Variants in HECW1 observed in about 807,000 individuals in gnomAD.
HECW1 encodes the protein E3 ubiquitin-protein ligase HECW1.
HECW1 carries 61 observed loss-of-function variants against 182.3 expected under a neutral mutation model. The observed-to-expected ratio is 0.33, with a 90% CI of 0.27 to 0.41. HECW1 has a LOEUF of 0.41. Ranked by LOEUF, HECW1 falls within the 10% of genes least tolerant of loss-of-function variation. The pLI, the probability that HECW1 is intolerant of heterozygous loss-of-function variation, is 1.00. For missense variants in HECW1, 1,739 were observed against 2,108.9 expected (o/e 0.82, Z 3.44); for synonymous variants, 859 against 832.6 (o/e 1.03, Z -0.55).
At chr7:43,505,251 G>GTT (rs2079530279) in intron 21 of HECW1, among the ~76,000 whole-genome samples, 1 of 152,170 alleles carries the variant, frequency 6.6e-6, no homozygotes, top group African/African-American at 2.4e-5. Context: ...ACCGCAGGGT[G>GTT]TTCAGTTACA....
At chr7:43,120,312 A>C (rs1785464832) in intron 2 of HECW1, among the ~76,000 whole-genome samples, 1 of 152,070 alleles carries the variant, frequency 6.6e-6, no homozygotes, top group Admixed American at 6.5e-5. Context: ...TCACACCCTC[A>C]GAAAGGCTTA....
intron 11 of HECW1, among the ~76,000 whole-genome samples, chr7:43,447,393 G>C (rs752360731): frequency 6.6e-6 from 1 of 152,186 alleles, no homozygotes; most frequent in Non-Finnish European, 1.5e-5. Context: ...AGAGCAGGAA[G>C]TGTTTCAGGG....
intron 2 of HECW1, among the ~76,000 whole-genome samples, chr7:43,142,032 C>G (rs960254643): frequency 5.3e-5 from 8 of 152,148 alleles, no homozygotes; most frequent in African/African-American, 1.9e-4. Flanking sequence ...GCACTGGAGT[C>G]TGTATTTATT....
chr7:43,557,859 G>A (rs2082082037), intron 29 of HECW1, among the ~76,000 whole-genome samples: 1 of 152,146 alleles, frequency 6.6e-6, no homozygotes, highest in Admixed American at 6.5e-5. Context: ...CTTATTATCT[G>A]CAATAAAATC....
At chr7:43,127,523 CAAAAAAAAAAAAAAAA>C (rs71562078) in intron 2 of HECW1, among the ~76,000 whole-genome samples, 1 of 57,280 alleles carries the variant, frequency 1.7e-5, no homozygotes, top group African/African-American at 6.9e-5. Context: ...AACTCCATCT[CAAAAAAAAAAAAAAAA>C]AAAAAAAGGA....
intron 3 of HECW1, among the ~76,000 whole-genome samples, chr7:43,301,308 C>T (rs1318684493): frequency 2.0e-5 from 3 of 152,256 alleles, no homozygotes; most frequent in East Asian, 1.9e-4. Context: ...TCCCTCAGCT[C>T]TTGCCCCTTC....
At chr7:43,331,808 G>C (rs890766927) in intron 5 of HECW1, among the ~76,000 whole-genome samples, 49 of 152,174 alleles carry the variant, frequency 3.2e-4, no homozygotes, top group African/African-American at 1.2e-3. Context: ...AGTGGTAGGT[G>C]GTGGAGCTGG....
intron 2 of HECW1, among the ~76,000 whole-genome samples, chr7:43,116,596 A>G (rs531502488): frequency 1.3e-5 from 2 of 152,344 alleles, no homozygotes; most frequent in South Asian, 4.1e-4. Context: ...AACAGGTGTG[A>G]CTTACAGACA....
intron 26 of HECW1, among the ~76,000 whole-genome samples, chr7:43,545,830 G>A (rs551755525): frequency 1.5e-5 from 2 of 135,532 alleles, no homozygotes; most frequent in South Asian, 4.7e-4. Context: ...GGTGGAGGAG[G>A]TGGAAGGGGG....
intron 13 of HECW1, among the ~76,000 whole-genome samples, chr7:43,459,276 C>A (rs2077502011): frequency 6.6e-6 from 1 of 152,226 alleles, no homozygotes; most frequent in Non-Finnish European, 1.5e-5. Flanking sequence ...CTGCTCCCAG[C>A]ACCTAGTGTG....
chr7:43,465,687 T>A (rs923546553), intron 14 of HECW1, among the ~76,000 whole-genome samples: 1 of 152,162 alleles, frequency 6.6e-6, no homozygotes, highest in Admixed American at 6.5e-5. Flanking sequence ...TGGTCCTTTC[T>A]GCAAACAATC....
intron 2 of HECW1, among the ~76,000 whole-genome samples, chr7:43,156,113 G>A (rs1789852930): frequency 1.3e-5 from 2 of 151,956 alleles, no homozygotes; most frequent in African/African-American, 2.4e-5. Context: ...ATCAATAATT[G>A]GAAGTTTTTT....
intron 2 of HECW1, among the ~76,000 whole-genome samples, chr7:43,199,943 T>G (rs540053004): frequency 6.6e-6 from 1 of 152,170 alleles, no homozygotes; most frequent in African/African-American, 2.4e-5. Context: ...CTGTTTGTAT[T>G]TAGGGGCATG....
chr7:43,199,064 C>G (rs1794799397), intron 2 of HECW1, among the ~76,000 whole-genome samples: 1 of 152,232 alleles, frequency 6.6e-6, no homozygotes, highest in South Asian at 2.1e-4. Flanking sequence ...TATCCTGCCT[C>G]CACACGGAGA....
chr7:43,562,879 T>G lies in HECW1; in HGVS notation c.*953T>G, dbSNP rs544100539. The G allele has an allele frequency of 4.6e-6, 1 of 218,068 alleles. No homozygotes were observed. Among genetic ancestry groups the G allele is most frequent in the Admixed American group, 5.8e-5 (1 of 17,228 alleles). The allele number at this position is 218,068 out of a possible 1,614,324, so 13.5% of individuals were successfully genotyped here. A position where few individuals can be genotyped will look rare whatever the true frequency, so the allele number is the denominator to read the frequency against. The stretch of plus-strand genomic sequence containing the variant: ...TTCTGTACTGTTCTGTTTTGTTTAG[T>G]CTAGCCACAGTTCTTCACAAAGGAA... On this transcript the variant is annotated 3_prime_UTR_variant, in exon 30 of 30. Transcript: ENST00000395891.
intron 24 of HECW1, among the ~76,000 whole-genome samples, chr7:43,538,583 AAAAT>A (rs1383342249): frequency 6.6e-6 from 1 of 152,162 alleles, no homozygotes; most frequent in Non-Finnish European, 1.5e-5. Context: ...CTCACATCTC[AAAAT>A]AGACACAGAG....
chr7:43,266,389 G>A (rs1801801907), intron 3 of HECW1, among the ~76,000 whole-genome samples: 1 of 152,206 alleles, frequency 6.6e-6, no homozygotes, highest in Non-Finnish European at 1.5e-5. Flanking sequence ...AGGCTGGAGT[G>A]CAGTGGTGCG....
At chr7:43,227,976 T>C (rs1036435485) in intron 2 of HECW1, among the ~76,000 whole-genome samples, 7 of 152,190 alleles carry the variant, frequency 4.6e-5, no homozygotes, top group African/African-American at 1.7e-4. Context: ...GTTTTCAAAA[T>C]AGTGCTATCA....
intron 2 of HECW1, among the ~76,000 whole-genome samples, chr7:43,176,787 C>T (rs1354281717): frequency 6.6e-6 from 1 of 152,192 alleles, no homozygotes; most frequent in Non-Finnish European, 1.5e-5. Context: ...CTTTTGGGGA[C>T]ACATTCAAAC....
Sources: gnomAD v4.1 joint callset for allele counts (sites outside exome capture counted in the v4.1 genomes callset) on GRCh38, gnomAD v4.1.1 for gene constraint, MANE v1.5 for transcripts, NCBI Gene and HGNC (gene_info 2026-07-23, HGNC 2026-07-21) for gene names.